The following TYW1 variants were observed in gnomAD, a reference collection of about 807,000 sequenced individuals.
The protein encoded by TYW1 is tRNA-yW synthesizing protein 1 homolog.
In TYW1, 46 loss-of-function variants were observed where a neutral mutation model predicts 96.2. The ratio of observed to expected loss-of-function variants is 0.48; its 90% confidence interval spans 0.38 to 0.61. TYW1 has a LOEUF of 0.61. TYW1 is among the 20% of genes least tolerant of loss of function. The pLI, the probability that TYW1 is intolerant of heterozygous loss-of-function variation, is 0.00. For missense variants in TYW1, 684 were observed against 909.6 expected (o/e 0.75, Z 3.19); for synonymous variants, 274 against 323.0 (o/e 0.85, Z 1.63).
intron 3 of TYW1, among the ~76,000 whole-genome samples, chr7:67,002,594 T>C (rs945734143): frequency 3.9e-5 from 6 of 152,092 alleles, no homozygotes; most frequent in African/African-American, 1.4e-4. Flanking sequence ...TTTCTGGAAA[T>C]TTTATGGGAA....
chr7:67,132,371 A>G (rs916748857), intron 13 of TYW1, among the ~76,000 whole-genome samples: 2 of 151,950 alleles, frequency 1.3e-5, no homozygotes, highest in East Asian at 1.9e-4. Context: ...TGGCCTCCCA[A>G]AGTGCTGGGA....
chr7:67,079,201 T>TGTGTGTGTGTG (rs1563001300), intron 10 of TYW1, among the ~76,000 whole-genome samples: 2 of 149,678 alleles, frequency 1.3e-5, no homozygotes, highest in Non-Finnish European at 1.5e-5. Flanking sequence ...TGTGTGTGTG[T>TGTGTGTGTGTG]TTTAGGTTTG....
chr7:67,089,332 T>A, intron 11 of TYW1: 1 of 1,283,208 alleles, frequency 7.8e-7, no homozygotes, highest in Non-Finnish European at 1.1e-6. Flanking sequence ...AGGGCCCTTC[T>A]CGAGGTGGCG....
chr7:67,013,931 G>T (rs937366624), intron 4 of TYW1, among the ~76,000 whole-genome samples: 6 of 151,768 alleles, frequency 4.0e-5, no homozygotes, highest in Admixed American at 6.6e-5. Flanking sequence ...TTTTAGTAGA[G>T]ACGAGGTTTC....
chr7:67,097,088 G>A (rs1426091160), intron 11 of TYW1, among the ~76,000 whole-genome samples: 1 of 151,926 alleles, frequency 6.6e-6, no homozygotes, highest in Non-Finnish European at 1.5e-5. Context: ...AGAACGAGTG[G>A]TGTGTGCTAG....
intron 11 of TYW1, among the ~76,000 whole-genome samples, chr7:67,085,962 A>G (rs1796536790): frequency 1.3e-5 from 2 of 149,976 alleles, no homozygotes; most frequent in African/African-American, 2.5e-5. Flanking sequence ...ACAAAGTGAG[A>G]CTCCATCTCA....
chr7:67,009,533 A>T, intron 3 of TYW1, 50 bp from the exon 4 acceptor site: 2 of 1,544,964 alleles, frequency 1.3e-6, no homozygotes, highest in Non-Finnish European at 1.8e-6. Context: ...AATGAGGGTT[A>T]TATTTGGCTC....
chr7:67,089,293 T>C, intron 11 of TYW1: 1 of 1,392,152 alleles, frequency 7.2e-7, no homozygotes, highest in Non-Finnish European at 1.0e-6. Context: ...CCTTGTCCCC[T>C]CGGGACCCAG....
intron 13 of TYW1, among the ~76,000 whole-genome samples, chr7:67,119,994 T>C (rs1012563693): frequency 1.5e-4 from 23 of 152,272 alleles, no homozygotes; most frequent in African/African-American, 4.6e-4. Context: ...CTCAAACTCC[T>C]GGCCTCAGGC....
chr7:67,044,840 A>G (rs1795138064), intron 7 of TYW1, among the ~76,000 whole-genome samples: 2 of 152,088 alleles, frequency 1.3e-5, no homozygotes, highest in Middle Eastern at 3.4e-3. Context: ...GACTGGTCTC[A>G]AACTGCTGAC....
rs1248976891 is a variant in TYW1 at position 67,112,632 on chromosome 7, GAAAAC to G, written c.1563-4846_1563-4842del. ...CTCTTGTCTTTAAAAAAAAAAAAAA[GAAAAC>G]AAAAGAAAAATTAAGAATACAAACA... On this transcript the variant is annotated intron_variant, in intron 12 of 15. Transcript: ENST00000359626. Among the ~76,000 whole-genome samples the G allele has an allele frequency of 2.1e-5, 3 of 145,514 alleles. No homozygotes were observed. In the East Asian group the frequency reaches 5.9e-4, roughly 29 times the overall value.
chr7:67,138,500 CT>C (rs1398367809), intron 13 of TYW1, among the ~76,000 whole-genome samples: 1 of 152,250 alleles, frequency 6.6e-6, no homozygotes, highest in East Asian at 1.9e-4. Flanking sequence ...CCTTTAGTCA[CT>C]TTTAAATGTA....
Position 67,170,172 on chromosome 7 carries a change from T to C in TYW1, c.1699-12954T>C, listed in dbSNP as rs143968022. 1.6e-3 allele frequency among the ~76,000 whole-genome samples: 247 copies of C among 152,320 alleles called. 5 individuals are homozygous for C. The East Asian group carries it at 0.041, about 25-fold the overall frequency. ...TGAATAACTAGTTGTCTCAGTACCA[T>C]GTGTTGAAAAGACTATTTTTTCCCC... On this transcript the variant is annotated intron_variant, in intron 13 of 15. Transcript: ENST00000359626.
intron 9 of TYW1, 126 bp from the exon 10 acceptor site, chr7:67,067,159 A>T (rs2115670550): frequency 1.8e-6 from 2 of 1,102,142 alleles, no homozygotes; most frequent in East Asian, 2.4e-5. Context: ...TTCCTGCGTC[A>T]TGCAGTTACC....
rs570119458 is a variant in TYW1 at position 67,152,727 on chromosome 7, G to A, written c.1699-30399G>A. 1.1e-4 allele frequency among the ~76,000 whole-genome samples: 16 copies of A among 152,012 alleles called. No homozygotes were observed. In the East Asian group the frequency reaches 2.7e-3, roughly 26 times the overall value. The stretch of plus-strand genomic sequence containing the variant: ...AGTGATTCTCCTGCCTCAGCCTCCC[G>A]AGTAGCTGGGACTACAGGTGTGGGC... On this transcript the variant is annotated intron_variant, in intron 13 of 15. Coordinates refer to ENST00000359626, the MANE Select transcript of TYW1 (RefSeq NM_018264.4).
Position 67,166,903 on chromosome 7 carries a change from T to A in TYW1, c.1699-16223T>A, listed in dbSNP as rs567252556. Among the ~76,000 whole-genome samples, 4 of 152,292 alleles carry A rather than the reference T, an allele frequency of 2.6e-5. 1 individual carries two copies. Among genetic ancestry groups the A allele is most frequent in the Admixed American group, 2.6e-4 (4 of 15,290 alleles). On this transcript the variant is annotated intron_variant, in intron 13 of 15. Coordinates refer to ENST00000359626, the MANE Select transcript of TYW1 (RefSeq NM_018264.4). Reference sequence around the variant, plus strand: ...TTTGGGAGTGGAATTGCCACCTGATTGGGTGTTCTGCATTCAGTCATCATT... The same window carrying A: ...TTTGGGAGTGGAATTGCCACCTGATAGGGTGTTCTGCATTCAGTCATCATT...
intron 14 of TYW1, among the ~76,000 whole-genome samples, chr7:67,190,990 C>T (rs566012420): frequency 6.6e-6 from 1 of 152,260 alleles, no homozygotes; most frequent in East Asian, 1.9e-4. Flanking sequence ...AGTCTGTTTG[C>T]ATCACTATAA....
chr7:67,092,851 G>A (rs1439024821), intron 11 of TYW1, among the ~76,000 whole-genome samples: 1 of 151,270 alleles, frequency 6.6e-6, no homozygotes, highest in Non-Finnish European at 1.5e-5. Flanking sequence ...CCCGGCTAAT[G>A]TTTTTAAATT....
chr7:67,028,032 T>G (rs1879852), intron 7 of TYW1, among the ~76,000 whole-genome samples: 2 of 149,870 alleles, frequency 1.3e-5, no homozygotes, highest in African/African-American at 2.5e-5. Context: ...GTCAGGAGCT[T>G]GAGACCAGCC....
Sources: allele counts gnomAD v4.1 joint callset (sites outside exome capture counted in the v4.1 genomes callset), GRCh38; gene constraint gnomAD v4.1.1; transcripts MANE v1.5; gene names NCBI Gene and HGNC (gene_info 2026-07-23, HGNC 2026-07-21).